SLC12A6: variants seen among roughly 807,000 people sequenced by gnomAD.
SLC12A6 encodes solute carrier family 12 member 6.
A neutral mutation model predicts 135.3 loss-of-function variants in SLC12A6; 66 were observed. That is an observed-to-expected ratio of 0.49 (90% CI 0.40 to 0.60). SLC12A6 has a LOEUF of 0.60. Among genes scored for constraint, SLC12A6 ranks in the 20% least tolerant of loss-of-function variants. SLC12A6 has a pLI of 0.00. For missense variants in SLC12A6, 1,058 were observed against 1,452.3 expected, an observed-to-expected ratio of 0.73 and a Z score of 4.41; for synonymous variants, 513 against 508.8, an observed-to-expected ratio of 1.01 and a Z score of -0.11.
intron 19 of SLC12A6, among the ~76,000 whole-genome samples, chr15:34,240,205 C>T (rs79541411): frequency 0.017 from 2,584 of 152,052 alleles, 68 homozygotes; most frequent in African/African-American, 0.059. Context: ...AAAACAACTT[C>T]CTTGTTAAAG....
chr15:34,315,130 T>C (rs530585062), intron 2 of SLC12A6, among the ~76,000 whole-genome samples: 4 of 152,346 alleles, frequency 2.6e-5, no homozygotes, highest in African/African-American at 9.6e-5. Flanking sequence ...GATTTTAGAA[T>C]ATTCCATAAA....
rs550696296 is a variant in SLC12A6, at chr15:34,283,782, C to T, written c.272-8393G>A. 4.6e-5 allele frequency among the ~76,000 whole-genome samples: 7 copies of T among 151,464 alleles called. No homozygotes were observed. In the East Asian group the frequency reaches 5.8e-4, roughly 13 times the overall value. On this transcript the variant is annotated intron_variant, in intron 2 of 25. Coordinates refer to ENST00000354181, the MANE Select transcript of SLC12A6 (RefSeq NM_001365088.1). ...TTTTTTTTTTTGAAACAGGGTCTTG[C>T]GCTGACATCAAGCTGGAGTGCAGTG...
chr15:34,308,258 T>C (rs1318389951), intron 2 of SLC12A6, among the ~76,000 whole-genome samples: 10 of 152,136 alleles, frequency 6.6e-5, no homozygotes. Context: ...TGCGAATTGT[T>C]AAGTCTCTTA....
intron 2 of SLC12A6, among the ~76,000 whole-genome samples, chr15:34,318,156 T>A (rs1040189277): frequency 1.3e-5 from 2 of 152,230 alleles, no homozygotes; most frequent in African/African-American, 4.8e-5. Context: ...GCTCCCTCTT[T>A]ATATAATATT....
chr15:34,302,949 C>A (rs1228808016), intron 2 of SLC12A6, among the ~76,000 whole-genome samples: 6 of 131,852 alleles, frequency 4.6e-5, no homozygotes, highest in Admixed American at 4.4e-4. Context: ...AGAAGGGAGA[C>A]CCTGTCTCAA....
chr15:34,261,087 A>G (rs945867399), intron 3 of SLC12A6, 67 bp from the exon 4 acceptor site: 12 of 839,102 alleles, frequency 1.4e-5, no homozygotes, highest in South Asian at 4.0e-5. Context: ...TCAGCACCAG[A>G]TAAGTGCAGG....
intron 5 of SLC12A6, among the ~76,000 whole-genome samples, chr15:34,258,572 C>T (rs1892909773): frequency 6.6e-6 from 1 of 152,210 alleles, no homozygotes; most frequent in South Asian, 2.1e-4. Context: ...GGGAATTTAT[C>T]AACACTTAAT....
chr15:34,246,019 G>GC, intron 13 of SLC12A6, 152 bp from the exon 14 acceptor site: 3 of 711,042 alleles, frequency 4.2e-6, no homozygotes, highest in South Asian at 1.5e-5. Context: ...TCCAAACTCC[G>GC]CCCCCCAAGT....
chr15:34,266,122 T>C (rs924165331), intron 3 of SLC12A6, among the ~76,000 whole-genome samples: 5 of 143,802 alleles, frequency 3.5e-5, no homozygotes, highest in African/African-American at 1.3e-4. Flanking sequence ...GTAATGTAAA[T>C]AGACTAAGAC....
Position 34,236,208 on chromosome 15 carries a change from G to GA in SLC12A6, c.3043-10dup. 1 of 1,611,404 alleles carries GA rather than the reference G, an allele frequency of 6.2e-7. No individual in the cohort carries two copies. Among genetic ancestry groups the GA allele is most frequent in the Non-Finnish European group, 8.5e-7 (1 of 1,177,544 alleles). On this transcript the variant is annotated splice_polypyrimidine_tract_variant and intron_variant, in intron 23 of 25. Coordinates refer to ENST00000354181, the MANE Select transcript of SLC12A6 (RefSeq NM_001365088.1). ...TCTTTCACCAATTGTGCCTGAGGAAGAAGGTCCAACACAAGTTATTCTACC... is the reference window on the plus strand; with the variant it reads ...TCTTTCACCAATTGTGCCTGAGGAAGAAAGGTCCAACACAAGTTATTCTACC...
chr15:34,295,096 C>T (rs570096963), intron 2 of SLC12A6, among the ~76,000 whole-genome samples: 3 of 152,300 alleles, frequency 2.0e-5, no homozygotes, highest in African/African-American at 7.2e-5. Context: ...GACACCTAAA[C>T]GTTTTACCTG....
chr15:34,328,975 A>T (rs1055314141), intron 2 of SLC12A6, among the ~76,000 whole-genome samples: 1 of 152,236 alleles, frequency 6.6e-6, no homozygotes, highest in Admixed American at 6.5e-5. Flanking sequence ...GTTTTTCCAC[A>T]TACTTGTAAA....
rs1409997459 is a variant in SLC12A6 at position 34,232,333 on chromosome 15, T to G, written c.*1548A>C. ...ACCTCCGCCTCCTGGGTTCAAATGA[T>G]CCTCCTGCCTTAGCCTTCCGTGTTG... On this transcript the variant is annotated 3_prime_UTR_variant, in exon 26 of 26. Transcript: ENST00000354181. 6.6e-6 allele frequency: 1 copy of G among 152,222 alleles called. No individual in the cohort carries two copies. Among genetic ancestry groups the G allele is most frequent in the Non-Finnish European group, 1.5e-5 (1 of 68,078 alleles). The allele number at this position is 152,222 out of a possible 1,614,324, so 9.4% of individuals were successfully genotyped here. A position where few individuals can be genotyped will look rare whatever the true frequency, so the allele number is the denominator to read the frequency against.
At chr15:34,282,375 A>T (rs993918531) in intron 2 of SLC12A6, among the ~76,000 whole-genome samples, 3 of 152,354 alleles carry the variant, frequency 2.0e-5, no homozygotes, top group Middle Eastern at 3.4e-3. Flanking sequence ...TTCATTTTGT[A>T]TCAAATACCT....
At position 34,250,288 on chromosome 15, in the gene SLC12A6, C is replaced by CATTACTCACT; in HGVS notation, c.1649_1649+9dup. 6.9e-7 allele frequency: 1 copy of CATTACTCACT among 1,444,418 alleles called. No individual in the cohort carries two copies. The highest frequency in any genetic ancestry group is 9.8e-7 in the Non-Finnish European group (1 of 1,024,982). The allele number at this position is 1,444,418 out of a possible 1,614,324, so 89.5% of individuals were successfully genotyped here. A position where few individuals can be genotyped will look rare whatever the true frequency, so the allele number is the denominator to read the frequency against. Reference sequence around the variant, plus strand: ...CACACATAATTGTTACAAAGAAATTCATTACTCACTTGTCTCTGAGAACAA... The same window carrying CATTACTCACT: ...CACACATAATTGTTACAAAGAAATTCATTACTCACTATTACTCACTTGTCTCTGAGAACAA... On this transcript the variant is annotated intron_variant, in intron 13 of 25. Coordinates refer to ENST00000354181, the MANE Select transcript of SLC12A6 (RefSeq NM_001365088.1).
intron 2 of SLC12A6, among the ~76,000 whole-genome samples, chr15:34,285,444 C>G (rs543342916): frequency 1.5e-4 from 23 of 150,922 alleles, no homozygotes; most frequent in Non-Finnish European, 2.8e-4. Context: ...TGCCATTTAC[C>G]CTTTACTGAG....
At chr15:34,299,526 A>C (rs934238627) in intron 2 of SLC12A6, 5 of 152,192 alleles carry the variant, frequency 3.3e-5, no homozygotes, top group Non-Finnish European at 4.4e-5. Context: ...CTAAAGTACT[A>C]TATTGGAGGT....
At chr15:34,333,438 C>G (rs1372566593) in intron 2 of SLC12A6, among the ~76,000 whole-genome samples, 1 of 151,846 alleles carries the variant, frequency 6.6e-6, no homozygotes, top group African/African-American at 2.4e-5. Context: ...ACCGTGTTCC[C>G]CAGGCTGGTC....
intron 2 of SLC12A6, among the ~76,000 whole-genome samples, chr15:34,275,820 T>C (rs1020337577): frequency 6.6e-6 from 1 of 152,180 alleles, no homozygotes; most frequent in African/African-American, 2.4e-5. Flanking sequence ...TGGATGAACC[T>C]TGAAAACATT....
Sources: allele counts gnomAD v4.1 joint callset (sites outside exome capture counted in the v4.1 genomes callset), GRCh38; gene constraint gnomAD v4.1.1; transcripts MANE v1.5; gene names NCBI Gene and HGNC (gene_info 2026-07-23, HGNC 2026-07-21).